Variants in SLIT3 observed in about 807,000 individuals in gnomAD.
The protein encoded by SLIT3 is slit guidance ligand 3.
SLIT3 carries 68 observed loss-of-function variants against 184.0 expected under a neutral mutation model. That is an observed-to-expected ratio of 0.37 (90% CI 0.30 to 0.45). The LOEUF (loss-of-function observed/expected upper bound fraction) is 0.45, where lower values mean the gene tolerates loss of function less well. Ranked by LOEUF, SLIT3 falls within the 20% of genes least tolerant of loss-of-function variation. The pLI is 1.00. For missense variants in SLIT3, 1,707 were observed against 2,026.0 expected (o/e 0.84, Z 3.02); for synonymous variants, 831 against 828.6 (o/e 1.00, Z -0.05).
At chr5:169,100,506 C>T (rs920354067) in intron 4 of SLIT3, among the ~76,000 whole-genome samples, 2 of 152,150 alleles carry the variant, frequency 1.3e-5, no homozygotes, top group African/African-American at 2.4e-5. Flanking sequence ...AGAATAAAGG[C>T]GTCAGGAATA....
chr5:168,774,273 G>A lies in SLIT3; in HGVS notation c.1257C>T (p.Ser419=). The A allele has an allele frequency of 6.2e-7, 1 of 1,614,032 alleles. No homozygotes were observed. The highest frequency in any genetic ancestry group is 8.5e-7 in the Non-Finnish European group (1 of 1,179,964). Residue 419 remains serine, a synonymous_variant, in exon 13 of 36, where the codon AGC becomes AGT. Coordinates refer to ENST00000519560, the MANE Select transcript of SLIT3 (RefSeq NM_003062.4). The stretch of plus-strand genomic sequence containing the variant: ...ACTGCAGAGGGGCGAAGAGCCCCTT[G>A]CTGATGGTCTGCAGCTTGTTGTCAT... ...SLYDNKLQTI[S]KGLFAPLQSI...
chr5:168,896,798 G>A (rs1760679869), intron 4 of SLIT3, among the ~76,000 whole-genome samples: 1 of 152,220 alleles, frequency 6.6e-6, no homozygotes, highest in African/African-American at 2.4e-5. Flanking sequence ...GCGTCGGTGG[G>A]ACAGTGGGAA....
rs1442966253 is a variant in SLIT3, at chr5:168,673,203, C to G, written c.3815G>C (p.Gly1272Ala). 1 of 1,613,494 alleles carries G rather than the reference C, an allele frequency of 6.2e-7. No homozygotes were observed. Among genetic ancestry groups the G allele is most frequent in the Non-Finnish European group, 8.5e-7 (1 of 1,179,884 alleles). ...LGKLQKQPAV[G>A]INSPLYLGGI... is the part of the protein sequence containing the mutation. ...TCCAAGGTAGAGGGGGCTGTTGATG[C>G]CCACTGCTGGCTGCTTCTGGAGCTT... Residue 1272 changes from glycine (G) to alanine (A), a missense_variant, in exon 33 of 36, where the codon GGC (glycine) becomes GCC (alanine). Around this residue, in one of 3 missense-constraint regions of SLIT3, gnomAD observed 387 missense variants for 477.9 expected, o/e 0.81. Coordinates refer to ENST00000519560, the MANE Select transcript of SLIT3 (RefSeq NM_003062.4).
chr5:169,192,068 A>C (rs985715895), intron 4 of SLIT3, among the ~76,000 whole-genome samples: 3 of 152,184 alleles, frequency 2.0e-5, no homozygotes, highest in African/African-American at 7.2e-5. Flanking sequence ...CAGGGCTATG[A>C]AAGGCAGGGG....
chr5:168,838,399 C>G (rs1321869690), intron 6 of SLIT3, among the ~76,000 whole-genome samples: 1 of 152,032 alleles, frequency 6.6e-6, no homozygotes, highest in Non-Finnish European at 1.5e-5. Context: ...TAAAGATGCT[C>G]AAAAATAGAA....
intron 9 of SLIT3, among the ~76,000 whole-genome samples, chr5:168,804,761 G>A (rs1441447934): frequency 1.3e-5 from 2 of 152,144 alleles, no homozygotes; most frequent in Admixed American, 6.5e-5. Context: ...AAGAAGAAGC[G>A]AAGTCTCCAC....
At chr5:169,178,259 A>G (rs1763042594) in intron 4 of SLIT3, among the ~76,000 whole-genome samples, 1 of 152,228 alleles carries the variant, frequency 6.6e-6, no homozygotes, top group Non-Finnish European at 1.5e-5. Flanking sequence ...AATCACGGCT[A>G]AGGTAAGCAG....
At chr5:169,179,762 G>A (rs1458809149) in intron 4 of SLIT3, among the ~76,000 whole-genome samples, 1 of 152,118 alleles carries the variant, frequency 6.6e-6, no homozygotes. Context: ...TGAGGAGAGA[G>A]CTCTGGTTTG....
At chr5:168,813,890 G>T (rs1053157110) in intron 8 of SLIT3, among the ~76,000 whole-genome samples, 1 of 152,232 alleles carries the variant, frequency 6.6e-6, no homozygotes, top group African/African-American at 2.4e-5. Flanking sequence ...GGCTCAGGGA[G>T]CTTTTCTTAT....
intron 4 of SLIT3, among the ~76,000 whole-genome samples, chr5:168,911,815 TAG>T (rs1190670779): frequency 6.6e-6 from 1 of 152,344 alleles, no homozygotes; most frequent in South Asian, 2.1e-4. Flanking sequence ...TCAATTATCT[TAG>T]AGAGTCTTAG....
chr5:168,840,410 T>G (rs1758201157), intron 6 of SLIT3, among the ~76,000 whole-genome samples: 1 of 152,104 alleles, frequency 6.6e-6, no homozygotes, highest in African/African-American at 2.4e-5. Flanking sequence ...TTGTTTAACT[T>G]GTCCCTACTT....
chr5:168,848,669 G>A (rs932362122), intron 5 of SLIT3, among the ~76,000 whole-genome samples: 2 of 152,058 alleles, frequency 1.3e-5, no homozygotes, highest in African/African-American at 2.4e-5. Flanking sequence ...GGAATCCTCC[G>A]ACAAGCACTA....
At position 168,707,968 on chromosome 5, in the gene SLIT3, C is replaced by CA; in HGVS notation, c.2844+7dup. The CA allele has an allele frequency of 3.1e-6, 5 of 1,614,074 alleles. No homozygotes were observed. The highest frequency in any genetic ancestry group is 4.2e-6 in the Non-Finnish European group (5 of 1,179,994). ...CATGAACACGGGGGGGCAGGGCCTC[C>CA]AGCATACCTTGTAGCTGTAGGGGCA... On this transcript the variant is annotated splice_region_variant and intron_variant, in intron 26 of 35. Coordinates refer to ENST00000519560, the MANE Select transcript of SLIT3 (RefSeq NM_003062.4).
chr5:168,733,262 A>G (rs533448413), intron 20 of SLIT3, among the ~76,000 whole-genome samples: 9 of 152,298 alleles, frequency 5.9e-5, no homozygotes, highest in African/African-American at 1.7e-4. Context: ...CAGCAGAATG[A>G]CCATTATTAA....
chr5:169,078,781 T>C (rs1439081350), intron 4 of SLIT3, among the ~76,000 whole-genome samples: 1 of 152,192 alleles, frequency 6.6e-6, no homozygotes, highest in South Asian at 2.1e-4. Flanking sequence ...TGAACACTGA[T>C]GGTGTGGCAG....
intron 4 of SLIT3, among the ~76,000 whole-genome samples, chr5:169,129,821 GT>G (rs556491428): frequency 5.3e-5 from 8 of 149,592 alleles, no homozygotes; most frequent in African/African-American, 1.0e-4. Flanking sequence ...TTCTTTGGTG[GT>G]TTTTTTTGTT....
chr5:168,837,698 G>A (rs768613013), intron 6 of SLIT3, among the ~76,000 whole-genome samples: 1 of 152,208 alleles, frequency 6.6e-6, no homozygotes, highest in Non-Finnish European at 1.5e-5. Context: ...TGAGTGAGAT[G>A]TGGACATAAA....
At chr5:168,849,977 GT>G (rs559732773) in intron 5 of SLIT3, among the ~76,000 whole-genome samples, 5 of 150,872 alleles carry the variant, frequency 3.3e-5, no homozygotes, top group South Asian at 2.1e-4. Flanking sequence ...TTTGAAGGTT[GT>G]TTTTTTTTAT....
intron 4 of SLIT3, among the ~76,000 whole-genome samples, chr5:168,938,264 G>A (rs149295725): frequency 3.4e-4 from 52 of 152,280 alleles, no homozygotes; most frequent in African/African-American, 1.1e-3. Flanking sequence ...AAAAAATCCT[G>A]CCAGCATTTA....
Sources: allele counts gnomAD v4.1 joint callset (sites outside exome capture counted in the v4.1 genomes callset), GRCh38; gene constraint gnomAD v4.1.1; regional missense constraint gnomAD v4.1.1; transcripts MANE v1.5; gene names NCBI Gene and HGNC (gene_info 2026-07-23, HGNC 2026-07-21).